SLC34A3: variants seen among roughly 807,000 people sequenced by gnomAD.
SLC34A3 encodes the protein solute carrier family 34 member 3, also known as sodium-dependent phosphate transport protein 2C.
Under a neutral mutation model 43.9 loss-of-function variants are expected in SLC34A3, and 60 were observed. The ratio of observed to expected loss-of-function variants is 1.37; its 90% confidence interval spans 1.11 to 1.70. The LOEUF (loss-of-function observed/expected upper bound fraction) is 1.70, where lower values mean the gene tolerates loss of function less well. Among genes scored for constraint, SLC34A3 ranks in the 40% most tolerant of loss-of-function variants. The pLI, the probability that SLC34A3 is intolerant of heterozygous loss-of-function variation, is 0.00. For synonymous variants in SLC34A3, 451 were observed against 386.2 expected (o/e 1.17, Z -1.97); for missense variants, 969 against 823.8 (o/e 1.18, Z -2.16).
intron 12 of SLC34A3, among the ~76,000 whole-genome samples, chr9:137,235,679 TC>T (rs1224048259): frequency 1.3e-5 from 2 of 151,988 alleles, no homozygotes; most frequent in Non-Finnish European, 2.9e-5. Context: ...GGAAGGTGCT[TC>T]CCCCGCAGGT....
chr9:137,235,442 G>A (rs944703994), intron 12 of SLC34A3, among the ~76,000 whole-genome samples: 3 of 152,144 alleles, frequency 2.0e-5, no homozygotes, highest in African/African-American at 4.8e-5. Flanking sequence ...TATCCACTTA[G>A]ACCCTCCCAG....
chr9:137,231,244 C>T (rs914052741), intron 1 of SLC34A3, among the ~76,000 whole-genome samples: 1 of 152,058 alleles, frequency 6.6e-6, no homozygotes, highest in South Asian at 2.1e-4. Context: ...ATCACCAGGG[C>T]GTGGGGCCCT....
rs759382106 is a variant in SLC34A3, at chr9:137,234,062, G to A, written c.926-47G>A. ...TGCCCTGTGAGGCCCGGCCCACCCC[G>A]GCCCACCCCCCAGGCTCCCCCTCAC... On this transcript the variant is annotated intron_variant, in intron 9 of 12. Coordinates refer to ENST00000673835, the MANE Select transcript of SLC34A3 (RefSeq NM_001177316.2). The surrounding 1 kb of genome is among the most constrained non-coding windows in gnomAD (Gnocchi z 6.9). 58 of 205,028 alleles carry A rather than the reference G, an allele frequency of 2.8e-4. No individual in the cohort carries two copies. Among genetic ancestry groups the A allele is most frequent in the Middle Eastern group, 1.5e-3 (1 of 684 alleles). The allele number at this position is 205,028 out of a possible 1,614,324, so 12.7% of individuals were successfully genotyped here.
At position 137,235,955 on chromosome 9, in the gene SLC34A3, G is replaced by A. The variant is rs539897229; in HGVS notation, c.1339G>A (p.Ala447Thr). 7 of 1,611,544 alleles carry A rather than the reference G, an allele frequency of 4.3e-6. No individual in the cohort carries two copies. The highest frequency in any genetic ancestry group is 1.7e-5 in the Admixed American group (1 of 60,004). ...ADRMLSALQVALIHFFFNLAG... is the reference protein window; with the variant it reads ...ADRMLSALQVTLIHFFFNLAG... ...CTGACAGCCCCCTCGCCCCCAGGTC[G>A]CCCTCATCCACTTCTTCTTCAACCT... The change falls in exon 13 of 13, where the codon GCC (alanine) becomes ACC (threonine). Residue 447 changes from alanine to threonine, a missense_variant. By Grantham distance (58) the Ala-to-Thr change is moderately conservative. Coordinates refer to ENST00000673835, the MANE Select transcript of SLC34A3 (RefSeq NM_001177316.2).
At position 137,236,099 on chromosome 9, in the gene SLC34A3, G is replaced by A. The variant is rs367896891; in HGVS notation, c.1483G>A (p.Gly495Arg). 77 of 1,611,970 alleles carry A rather than the reference G, an allele frequency of 4.8e-5. No homozygotes were observed. The highest frequency in any genetic ancestry group is 5.9e-5 in the Non-Finnish European group (70 of 1,179,814). ...RWVAGVYLLL[G>R]FLLLPLAAFG... The stretch of plus-strand genomic sequence containing the variant: ...GGTGGCTGGGGTCTACCTGCTGCTC[G>A]GATTCCTGCTGCTGCCCCTGGCGGC... The change falls in exon 13 of 13, where the codon GGA becomes AGA. Residue 495 changes from glycine (G) to arginine (R), a missense_variant. By Grantham distance (125) the Gly-to-Arg change is moderately radical (BLOSUM62 -2). Transcript: ENST00000673835.
At position 137,236,073 on chromosome 9, in the gene SLC34A3, GGGTGGCT is replaced by G. The variant is rs1401399602; in HGVS notation, c.1460_1466del (p.Val487GlyfsTer78). 2 of 1,612,470 alleles carry G rather than the reference GGGTGGCT, an allele frequency of 1.2e-6. No homozygotes were observed. Among genetic ancestry groups the G allele is most frequent in the Non-Finnish European group, 1.7e-6 (2 of 1,179,854 alleles). ...GGGGTGGTGACCGCCCGTTACCGCT[GGGTGGCT>G]GGGGTCTACCTGCTGCTCGGATTCC... On this transcript the variant is annotated frameshift_variant, in exon 13 of 13. Transcript: ENST00000673835. LOFTEE classifies it low-confidence loss of function (END_TRUNC).
intron 3 of SLC34A3, 81 bp from the exon 4 acceptor site, chr9:137,232,494 G>C (rs540210027): frequency 6.4e-7 from 1 of 1,574,606 alleles, no homozygotes; most frequent in Non-Finnish European, 8.6e-7. Context: ...AGAGGAGAGA[G>C]GGGGCAGAGA....
At chr9:137,232,734 G>T (rs769631018) in intron 4 of SLC34A3, 31 bp downstream of exon 4, 4 of 1,612,814 alleles carry the variant, frequency 2.5e-6, no homozygotes, top group African/African-American at 1.3e-5. Flanking sequence ...CCAGGGCGGG[G>T]CGGGCAACCA....
In SLC34A3 at chr9:137,234,750, C is replaced by T. The variant is rs1010284256; in HGVS notation, c.1335+19C>T. The T allele has an allele frequency of 9.3e-6, 15 of 1,604,698 alleles. No homozygotes were observed. The highest frequency in any genetic ancestry group is 3.3e-5 in the South Asian group (3 of 91,068). On this transcript the variant is annotated intron_variant, in intron 12 of 12. Coordinates refer to ENST00000673835, the MANE Select transcript of SLC34A3 (RefSeq NM_001177316.2). The surrounding 1 kb of genome is among the most constrained non-coding windows in gnomAD (Gnocchi z 6.9). The stretch of plus-strand genomic sequence containing the variant: ...CCTGCAGGTACTGTCCACCCTGCCC[C>T]GCTGCCAGAACTGGCCAGCTTCCTC...
chr9:137,236,500 T>C lies in SLC34A3; in HGVS notation c.*84T>C. 1.7e-6 allele frequency: 2 copies of C among 1,156,740 alleles called. No homozygotes were observed. The highest frequency in any genetic ancestry group is 1.2e-6 in the Non-Finnish European group (1 of 802,798). The allele number at this position is 1,156,740 out of a possible 1,614,324, so 71.7% of individuals were successfully genotyped here. A position where few individuals can be genotyped will look rare whatever the true frequency, so the allele number is the denominator to read the frequency against. On this transcript the variant is annotated 3_prime_UTR_variant, in exon 13 of 13. Coordinates refer to ENST00000673835, the MANE Select transcript of SLC34A3 (RefSeq NM_001177316.2). ...CTGGAGGGGGGGTCCCCGCGGCAGC[T>C]GACCTCCGGTCACCTGCTTCCCCTT...
At chr9:137,230,111 T>C (rs1329299652), upstream of SLC34A3, among the ~76,000 whole-genome samples, 2 of 151,990 alleles carry the variant, frequency 1.3e-5, no homozygotes, top group Non-Finnish European at 2.9e-5. Flanking sequence ...CTGGGCAGGG[T>C]GAGCCTCTGG....
chr9:137,234,028 C>T lies in SLC34A3; in HGVS notation c.926-81C>T, dbSNP rs780595802. ...ATGGAGAGGAACAGCACAGCCCCGG[C>T]GGACAGGCTGCCCTGTGAGGCCCGG... On this transcript the variant is annotated intron_variant, in intron 9 of 12. Coordinates refer to ENST00000673835, the MANE Select transcript of SLC34A3 (RefSeq NM_001177316.2). The surrounding 1 kb of genome is among the most constrained non-coding windows in gnomAD (Gnocchi z 6.9). The T allele has an allele frequency of 7.1e-5, 107 of 1,512,496 alleles. No homozygotes were observed. The highest frequency in any genetic ancestry group is 2.3e-4 in the Middle Eastern group (1 of 4,348). 93.7% of individuals were successfully genotyped at this position (1,512,496 alleles called of 1,614,324 possible). A position where few individuals can be genotyped will look rare whatever the true frequency, so the allele number is the denominator to read the frequency against.
chr9:137,230,434 C>G (rs571168848), upstream of SLC34A3, among the ~76,000 whole-genome samples: 4 of 152,356 alleles, frequency 2.6e-5, no homozygotes, highest in East Asian at 7.7e-4. Context: ...CCTCCCCCAC[C>G]ACCTGGTGCA....
intron 3 of SLC34A3, among the ~76,000 whole-genome samples, chr9:137,232,366 C>T (rs1490791384): frequency 6.6e-6 from 1 of 152,240 alleles, no homozygotes; most frequent in Non-Finnish European, 1.5e-5. Flanking sequence ...ATCCGTCCCT[C>T]CCCTCCTGCT....
chr9:137,231,738 C>A lies in SLC34A3; in HGVS notation c.36C>A (p.His12Gln). ...PSSLPGSQVPHPTLDAVDLVE... is the reference protein window; with the variant it reads ...PSSLPGSQVPQPTLDAVDLVE... The stretch of plus-strand genomic sequence containing the variant: ...CCCTTCCCGGCAGCCAGGTCCCCCA[C>A]CCCACTCTGGACGCGGTTGACCTAG... Residue 12 changes from histidine (H) to glutamine (Q), a missense_variant, in exon 2 of 13, where the codon CAC (histidine) becomes CAA (glutamine). His to Gln is a conservative substitution (Grantham distance 24). Transcript: ENST00000673835. 6.2e-7 allele frequency: 1 copy of A among 1,613,192 alleles called. No homozygotes were observed. The highest frequency in any genetic ancestry group is 8.5e-7 in the Non-Finnish European group (1 of 1,179,978).
At chr9:137,233,155 G>T in intron 6 of SLC34A3, 40 bp downstream of exon 6, 1 of 1,172,150 alleles carries the variant, frequency 8.5e-7, no homozygotes, top group Non-Finnish European at 1.2e-6. Context: ...GGCTGCAGTG[G>T]CAGCCCCAGC....
At chr9:137,233,779 T>TGCCCCC in intron 8 of SLC34A3, 57 bp downstream of exon 8, 63 of 1,445,794 alleles carry the variant, frequency 4.4e-5, no homozygotes, top group South Asian at 1.4e-4. Flanking sequence ...TGCTGAGTCA[T>TGCCCCC]CCCGCCCCAC....
chr9:137,234,037 T>G lies in SLC34A3; in HGVS notation c.926-72T>G. ...AACAGCACAGCCCCGGCGGACAGGC[T>G]GCCCTGTGAGGCCCGGCCCACCCCG... On this transcript the variant is annotated intron_variant, in intron 9 of 12. Transcript: ENST00000673835. The surrounding 1 kb of genome is among the most constrained non-coding windows in gnomAD (Gnocchi z 6.9). 1 of 1,460,762 alleles carries G rather than the reference T, an allele frequency of 6.8e-7. No homozygotes were observed. The highest frequency in any genetic ancestry group is 9.1e-7 in the Non-Finnish European group (1 of 1,097,742). The allele number at this position is 1,460,762 out of a possible 1,614,324, so 90.5% of individuals were successfully genotyped here.
In SLC34A3 at chr9:137,233,869, G is replaced by A. The variant is rs754049630; in HGVS notation, c.853G>A (p.Glu285Lys). 5.3e-6 allele frequency: 8 copies of A among 1,513,740 alleles called. No individual in the cohort carries two copies. The highest frequency in any genetic ancestry group is 5.5e-5 in the East Asian group (2 of 36,466). 93.8% of individuals were successfully genotyped at this position (1,513,740 alleles called of 1,614,324 possible). The change falls in exon 9 of 13, where the codon GAG becomes AAG. Residue 285 changes from glutamate (E) to lysine (K), a missense_variant. By Grantham distance (56) the Glu-to-Lys change is moderately conservative (BLOSUM62 1). Transcript: ENST00000673835. ...WCGTTGQPTQ[E>K]NSSCGAFGPC... ...TCCTCCCTGCCCTCCCCAGACCCAG[G>A]AGAACAGCAGCTGTGGCGCCTTCGG... is the stretch of plus-strand genomic sequence containing the variant.
Sources: gnomAD v4.1 joint callset for allele counts (sites outside exome capture counted in the v4.1 genomes callset) on GRCh38, gnomAD v4.1.1 for gene constraint, Gnocchi (gnomAD v3.1) non-coding constraint, MANE v1.5 for transcripts, NCBI Gene and HGNC (gene_info 2026-07-23, HGNC 2026-07-21) for gene names.